MTA3: variants seen among roughly 807,000 people sequenced by gnomAD.
The protein encoded by MTA3 is metastasis associated 1 family member 3, also known as metastasis-associated protein MTA3.
Under a neutral mutation model 83.5 loss-of-function variants are expected in MTA3, and 34 were observed. That is an observed-to-expected ratio of 0.41 (90% CI 0.31 to 0.54). The LOEUF (loss-of-function observed/expected upper bound fraction) is 0.54, where lower values mean the gene tolerates loss of function less well. MTA3 is among the 20% of genes least tolerant of loss of function. MTA3 has a pLI of 0.33. For synonymous variants in MTA3, 303 were observed against 252.7 expected, an observed-to-expected ratio of 1.20 and a Z score of -1.89; for missense variants, 761 against 726.4, an observed-to-expected ratio of 1.05 and a Z score of -0.55.
At chr2:42,633,658 G>T (rs773555618) in intron 4 of MTA3, among the ~76,000 whole-genome samples, 5 of 151,998 alleles carry the variant, frequency 3.3e-5, no homozygotes, top group African/African-American at 4.8e-5. Context: ...TTGGGAGGCC[G>T]AGGCGGGCGG....
chr2:42,655,137 T>G (rs902100459), intron 6 of MTA3, among the ~76,000 whole-genome samples: 1 of 152,210 alleles, frequency 6.6e-6, no homozygotes, highest in South Asian at 2.1e-4. Flanking sequence ...GAGGAAATTA[T>G]AAACCATGAC....
At chr2:42,683,732 G>C (rs117881128) in intron 9 of MTA3, among the ~76,000 whole-genome samples, 1 of 152,056 alleles carries the variant, frequency 6.6e-6, no homozygotes, top group African/African-American at 2.4e-5. Flanking sequence ...TCATGCTCCC[G>C]TGAGAATCTA....
At chr2:42,542,713 A>G (rs1030996334) in intron 2 of MTA3, among the ~76,000 whole-genome samples, 3 of 151,606 alleles carry the variant, frequency 2.0e-5, no homozygotes, top group Non-Finnish European at 4.4e-5. Context: ...CACCTCACCC[A>G]GCTAATTTTT....
At chr2:42,575,801 C>T (rs1448502735) in intron 2 of MTA3, among the ~76,000 whole-genome samples, 1 of 152,154 alleles carries the variant, frequency 6.6e-6, no homozygotes, top group Non-Finnish European at 1.5e-5. Context: ...TCTAGGTGAA[C>T]ATAGCTTATT....
At chr2:42,525,871 G>A (rs552114681) in intron 2 of MTA3, among the ~76,000 whole-genome samples, 1 of 151,940 alleles carries the variant, frequency 6.6e-6, no homozygotes, top group African/African-American at 2.4e-5. Context: ...CGTTGCCCAA[G>A]CTGGTCTCAA....
chr2:42,583,854 G>A lies in MTA3; in HGVS notation c.190+4654G>A, dbSNP rs1476136336. On this transcript the variant is annotated intron_variant, in intron 3 of 16. Transcript: ENST00000405094. The stretch of plus-strand genomic sequence containing the variant: ...CCATTATGGACTCTTTTTTTGTTTT[G>A]TTTTGAGTTGGAGTTTCGCTTTTGT... Among the ~76,000 whole-genome samples, 4 of 147,460 alleles carry A rather than the reference G, an allele frequency of 2.7e-5. No individual in the cohort carries two copies. In the South Asian group the frequency reaches 6.5e-4, roughly 24 times the overall value.
intron 15 of MTA3, among the ~76,000 whole-genome samples, chr2:42,722,311 T>A (rs1667469352): frequency 6.6e-6 from 1 of 152,220 alleles, no homozygotes; most frequent in Non-Finnish European, 1.5e-5. Flanking sequence ...TGATATATCC[T>A]TGGATAAAGC....
rs925519547 is a variant in MTA3, at chr2:42,587,287, G to A, written c.190+8087G>A. 2.6e-5 allele frequency among the ~76,000 whole-genome samples: 4 copies of A among 152,214 alleles called. No individual in the cohort carries two copies. The East Asian group carries it at 5.8e-4, about 22-fold the overall frequency. Reference sequence around the variant, plus strand: ...TGATTGCGCCACTGCACTCCAGCCCGTGTGACAGAACAAGACCCTGCCTCC... The same window carrying A: ...TGATTGCGCCACTGCACTCCAGCCCATGTGACAGAACAAGACCCTGCCTCC... On this transcript the variant is annotated intron_variant, in intron 3 of 16. Coordinates refer to ENST00000405094, the MANE Select transcript of MTA3 (RefSeq NM_001330442.2).
At chr2:42,620,642 G>A (rs1165950361) in intron 4 of MTA3, among the ~76,000 whole-genome samples, 1 of 152,124 alleles carries the variant, frequency 6.6e-6, no homozygotes, top group African/African-American at 2.4e-5. Context: ...ACAGGTGCAC[G>A]GTACCATGCC....
chr2:42,754,177 C>T lies in MTA3; in HGVS notation c.*778C>T, dbSNP rs1670084914. On this transcript the variant is annotated 3_prime_UTR_variant, in exon 17 of 17. Transcript: ENST00000405094. ...TGTTAAAAGTGCCAAGCGTGTGTAT[C>T]ACTGTGACAAGCCGTTTGCTTACTG... is the stretch of plus-strand genomic sequence containing the variant. 3.0e-6 allele frequency: 3 copies of T among 985,484 alleles called. No homozygotes were observed. In the South Asian group the frequency reaches 1.4e-4, roughly 46 times the overall value. 61.0% of individuals were successfully genotyped at this position (985,484 alleles called of 1,614,324 possible).
rs545408348 is a variant in MTA3, at chr2:42,641,006, A to C, written c.381+770A>C. 1.9e-4 allele frequency among the ~76,000 whole-genome samples: 29 copies of C among 152,276 alleles called. No individual in the cohort carries two copies. The South Asian group carries it at 5.8e-3, about 30-fold the overall frequency. ...ACTGCAACCTCCGCCTCCCGGGTTC[A>C]AGCAATTCTCATGCTTCAGCCTCCT... is the stretch of plus-strand genomic sequence containing the variant. On this transcript the variant is annotated intron_variant, in intron 5 of 16. Transcript: ENST00000405094.
chr2:42,721,605 G>A (rs949398588), intron 15 of MTA3, among the ~76,000 whole-genome samples: 4 of 152,088 alleles, frequency 2.6e-5, no homozygotes, highest in Admixed American at 6.6e-5. Context: ...CTGGGATTAC[G>A]GATGTGAGCC....
chr2:42,549,642 A>T (rs1165384475), intron 2 of MTA3, among the ~76,000 whole-genome samples: 2 of 116,216 alleles, frequency 1.7e-5, no homozygotes. Flanking sequence ...TACATATATA[A>T]TATATAATAT....
intron 2 of MTA3, among the ~76,000 whole-genome samples, chr2:42,525,162 G>C (rs901743089): frequency 1.4e-5 from 2 of 147,276 alleles, no homozygotes. Flanking sequence ...CAGCAAGTTT[G>C]TTTTTCAGCA....
chr2:42,611,062 A>T (rs1684143884), intron 4 of MTA3, among the ~76,000 whole-genome samples: 1 of 150,104 alleles, frequency 6.7e-6, no homozygotes, highest in Non-Finnish European at 1.5e-5. Flanking sequence ...GCTCACTGCA[A>T]CCTCTGCCTC....
chr2:42,582,350 G>T (rs961454315), intron 3 of MTA3, among the ~76,000 whole-genome samples: 1 of 152,138 alleles, frequency 6.6e-6, no homozygotes, highest in Non-Finnish European at 1.5e-5. Context: ...GAGCCACTGC[G>T]CCCAGCCCGA....
At chr2:42,658,793 G>A (rs1010000818) in intron 7 of MTA3, among the ~76,000 whole-genome samples, 1 of 151,840 alleles carries the variant, frequency 6.6e-6, no homozygotes. Flanking sequence ...CTTCCTTAGG[G>A]GTCAACCACA....
chr2:42,648,142 C>T (rs1688389543), intron 6 of MTA3, among the ~76,000 whole-genome samples: 1 of 152,208 alleles, frequency 6.6e-6, no homozygotes, highest in East Asian at 1.9e-4. Context: ...CACCCAGCCA[C>T]CCTTCTTTTT....
At chr2:42,658,985 C>T (rs911488802) in intron 7 of MTA3, among the ~76,000 whole-genome samples, 1 of 150,460 alleles carries the variant, frequency 6.6e-6, no homozygotes, top group African/African-American at 2.4e-5. Context: ...ATAGTTACAG[C>T]TACTTGGGAA....
Sources: allele counts gnomAD v4.1 joint callset (sites outside exome capture counted in the v4.1 genomes callset), GRCh38; gene constraint gnomAD v4.1.1; transcripts MANE v1.5; gene names NCBI Gene and HGNC (gene_info 2026-07-23, HGNC 2026-07-21).